SLC10A7: variants seen among roughly 807,000 people sequenced by gnomAD.
SLC10A7 encodes solute carrier family 10 member 7, also known as sodium/bile acid cotransporter 7.
A neutral mutation model predicts 43.2 loss-of-function variants in SLC10A7; 29 were observed. The ratio of observed to expected loss-of-function variants is 0.67; its 90% CI spans 0.50 to 0.92. SLC10A7 has a LOEUF of 0.92. Among genes scored for constraint, SLC10A7 ranks in the 40% least tolerant of loss-of-function variants. The pLI, the probability that SLC10A7 is intolerant of heterozygous loss-of-function variation, is 0.00. For synonymous variants in SLC10A7, 152 were observed against 144.8 expected (o/e 1.05, Z -0.35); for missense variants, 295 against 403.2 (o/e 0.73, Z 2.30).
chr4:146,452,652 T>C (rs1252776411), intron 4 of SLC10A7, among the ~76,000 whole-genome samples: 2 of 152,048 alleles, frequency 1.3e-5, no homozygotes, highest in African/African-American at 2.4e-5. Flanking sequence ...CAAGAAAAAT[T>C]TGAATTCTAC....
intron 4 of SLC10A7, among the ~76,000 whole-genome samples, chr4:146,453,035 G>GTGTATATA (rs1378300074): frequency 1.3e-5 from 2 of 149,752 alleles, no homozygotes. Context: ...GTGTGTGTGT[G>GTGTATATA]TATATATATA....
At position 146,365,796 on chromosome 4, in the gene SLC10A7, A is replaced by T. The variant is rs576024460; in HGVS notation, c.436-39800T>A. 1.2e-3 allele frequency among the ~76,000 whole-genome samples: 183 copies of T among 152,326 alleles called. 2 individuals carry two copies. Among genetic ancestry groups the T allele is most frequent in the Middle Eastern group, 0.01 (3 of 294 alleles). ...CTAGCCAAGAGGACTTGGACAAGTT[A>T]CTTAATGTCCTTTGTCCTCTTCAGC... On this transcript the variant is annotated intron_variant, in intron 5 of 11. Coordinates refer to ENST00000335472, the MANE Select transcript of SLC10A7 (RefSeq NM_001029998.6).
At chr4:146,430,730 G>A (rs1019501078) in intron 5 of SLC10A7, among the ~76,000 whole-genome samples, 4 of 151,844 alleles carry the variant, frequency 2.6e-5, no homozygotes, top group East Asian at 1.9e-4. Flanking sequence ...AACCATCCCC[G>A]GACACATAGA....
At chr4:146,290,139 ATG>A (rs1730331116) in intron 9 of SLC10A7, among the ~76,000 whole-genome samples, 3 of 150,946 alleles carry the variant, frequency 2.0e-5, no homozygotes, top group Non-Finnish European at 3.0e-5. Context: ...CCTGGCTAAC[ATG>A]CTGAAACCCC....
intron 10 of SLC10A7, among the ~76,000 whole-genome samples, chr4:146,282,987 G>C (rs1453001983): frequency 2.0e-5 from 3 of 152,130 alleles, no homozygotes; most frequent in Non-Finnish European, 4.4e-5. Context: ...AAGTTTTACA[G>C]TGTTAATTTT....
At chr4:146,263,507 C>T (rs893212330) in intron 10 of SLC10A7, among the ~76,000 whole-genome samples, 3 of 152,132 alleles carry the variant, frequency 2.0e-5, no homozygotes, top group Non-Finnish European at 4.4e-5. Flanking sequence ...AATTAAAAAA[C>T]CCAAACAAAC....
At chr4:146,268,839 T>G (rs1034333315) in intron 10 of SLC10A7, among the ~76,000 whole-genome samples, 14 of 152,134 alleles carry the variant, frequency 9.2e-5, no homozygotes, top group African/African-American at 3.4e-4. Flanking sequence ...TGAAAAGAAT[T>G]TGTCAGGGTA....
At chr4:146,425,777 G>A (rs528833781) in intron 5 of SLC10A7, among the ~76,000 whole-genome samples, 1 of 152,258 alleles carries the variant, frequency 6.6e-6, no homozygotes, top group South Asian at 2.1e-4. Context: ...AGCACTACCT[G>A]GGAAAGAAGA....
chr4:146,506,681 C>A (rs1237025954), intron 3 of SLC10A7, among the ~76,000 whole-genome samples: 1 of 152,104 alleles, frequency 6.6e-6, no homozygotes, highest in East Asian at 1.9e-4. Context: ...TTCATGGTTA[C>A]CATTGTAGTT....
chr4:146,471,673 T>C (rs1431360138), intron 4 of SLC10A7, among the ~76,000 whole-genome samples: 1 of 152,200 alleles, frequency 6.6e-6, no homozygotes, highest in Non-Finnish European at 1.5e-5. Context: ...ATTTAATGAG[T>C]AGTTACTCTA....
At chr4:146,505,645 A>G (rs1736832199) in intron 3 of SLC10A7, among the ~76,000 whole-genome samples, 1 of 152,242 alleles carries the variant, frequency 6.6e-6, no homozygotes, top group Non-Finnish European at 1.5e-5. Context: ...TGATTGAAGC[A>G]TAAGAAAACC....
intron 5 of SLC10A7, among the ~76,000 whole-genome samples, chr4:146,400,361 G>T (rs1362191198): frequency 6.6e-6 from 1 of 152,036 alleles, no homozygotes; most frequent in Non-Finnish European, 1.5e-5. Context: ...TGGAACACTT[G>T]TTTCAAATTT....
chr4:146,356,252 C>A (rs1235810976), intron 5 of SLC10A7, among the ~76,000 whole-genome samples: 2 of 151,946 alleles, frequency 1.3e-5, no homozygotes, highest in African/African-American at 4.8e-5. Flanking sequence ...ATTTATTACG[C>A]ACATGAAATG....
intron 4 of SLC10A7, among the ~76,000 whole-genome samples, chr4:146,459,937 T>C (rs564877052): frequency 2.6e-5 from 4 of 152,044 alleles, no homozygotes; most frequent in Non-Finnish European, 5.9e-5. Flanking sequence ...AAAGGACTTG[T>C]ATGCAGAATA....
chr4:146,319,787 A>G (rs1732573612), intron 6 of SLC10A7, among the ~76,000 whole-genome samples: 1 of 152,116 alleles, frequency 6.6e-6, no homozygotes. Context: ...ATATGCTAAT[A>G]GAAATAATCC....
rs1455906961 is a variant in SLC10A7 at position 146,496,299 on chromosome 4, A to AC, written c.396+7549dup. 2.0e-5 allele frequency among the ~76,000 whole-genome samples: 3 copies of AC among 152,224 alleles called. No individual in the cohort carries two copies. In the East Asian group the frequency reaches 5.8e-4, roughly 29 times the overall value. On this transcript the variant is annotated intron_variant, in intron 4 of 11. Transcript: ENST00000335472. ...AGATTGTCAGGTCTCAGAACACAAT[A>AC]CCCTAAAGCATGGTGTCTTGGCATA...
At chr4:146,505,690 T>C (rs1412196156) in intron 3 of SLC10A7, among the ~76,000 whole-genome samples, 2 of 152,244 alleles carry the variant, frequency 1.3e-5, no homozygotes, top group Non-Finnish European at 2.9e-5. Context: ...TTCCATTTAA[T>C]ATGGTCTTCT....
At chr4:146,371,167 C>T (rs1736748967) in intron 5 of SLC10A7, among the ~76,000 whole-genome samples, 1 of 152,180 alleles carries the variant, frequency 6.6e-6, no homozygotes, top group South Asian at 2.1e-4. Flanking sequence ...AACCATGTGT[C>T]ATGGCATAAA....
chr4:146,346,237 A>T (rs773059136), intron 5 of SLC10A7, among the ~76,000 whole-genome samples: 1 of 152,210 alleles, frequency 6.6e-6, no homozygotes, highest in Non-Finnish European at 1.5e-5. Flanking sequence ...TAAGTTCTGA[A>T]ATTAACTAGT....
Sources: gnomAD v4.1 joint callset for allele counts (sites outside exome capture counted in the v4.1 genomes callset) on GRCh38, gnomAD v4.1.1 for gene constraint, MANE v1.5 for transcripts, NCBI Gene and HGNC (gene_info 2026-07-23, HGNC 2026-07-21) for gene names.